The following GAS2 variants were observed in gnomAD, a reference collection of about 807,000 sequenced individuals.
The protein encoded by GAS2 is growth arrest-specific protein 2.
A neutral mutation model predicts 37.5 loss-of-function variants in GAS2; 20 were observed. That is an observed-to-expected ratio of 0.53 (90% CI 0.37 to 0.77). The LOEUF (loss-of-function observed/expected upper bound fraction) is 0.77, where lower values mean the gene tolerates loss of function less well. Among genes scored for constraint, GAS2 ranks in the 30% least tolerant of loss-of-function variants. GAS2 has a pLI of 0.00. For missense variants in GAS2, 336 were observed against 373.4 expected, an observed-to-expected ratio of 0.90 and a Z score of 0.82; for synonymous variants, 144 against 132.2, an observed-to-expected ratio of 1.09 and a Z score of -0.61.
intron 7 of GAS2, among the ~76,000 whole-genome samples, chr11:22,759,287 A>G (rs565004215): frequency 3.9e-5 from 6 of 152,288 alleles, no homozygotes; most frequent in Admixed American, 2.6e-4. Context: ...ATACATGGCT[A>G]TCTAATGTGT....
At chr11:22,627,012 C>T (rs185494313) in intron 1 of GAS2, among the ~76,000 whole-genome samples, 5 of 152,264 alleles carry the variant, frequency 3.3e-5, no homozygotes, top group South Asian at 4.1e-4. Context: ...AGGCTGGTCT[C>T]GAACTTCTGA....
chr11:22,651,421 A>G (rs1253537452), intron 1 of GAS2, among the ~76,000 whole-genome samples: 1 of 152,094 alleles, frequency 6.6e-6, no homozygotes, highest in African/African-American at 2.4e-5. Context: ...CTCGAGGAGT[A>G]TCTTTGTGGC....
rs572224093 is a variant in GAS2, at chr11:22,780,226, G to A, written c.723+24273G>A. 4.6e-5 allele frequency among the ~76,000 whole-genome samples: 7 copies of A among 152,290 alleles called. No individual in the cohort carries two copies. In the South Asian group the frequency reaches 6.2e-4, roughly 14 times the overall value. On this transcript the variant is annotated intron_variant, in intron 7 of 7. Coordinates refer to ENST00000454584, the MANE Select transcript of GAS2 (RefSeq NM_001143830.3). Reference sequence around the variant, plus strand: ...TTGAGATTAGCTATGAGGGCTGGACGTGGCTCATGCCTGTAATCCAAGCAC... The same window carrying A: ...TTGAGATTAGCTATGAGGGCTGGACATGGCTCATGCCTGTAATCCAAGCAC...
chr11:22,754,013 T>C (rs986800050), intron 6 of GAS2, among the ~76,000 whole-genome samples: 2 of 152,086 alleles, frequency 1.3e-5, no homozygotes, highest in Admixed American at 1.3e-4. Flanking sequence ...TTTCAAAAAA[T>C]CTCTTAGAAC....
intron 1 of GAS2, 51 bp from the exon 2 acceptor site, chr11:22,674,799 T>TC (rs1849349766): frequency 4.3e-6 from 6 of 1,389,028 alleles, no homozygotes; most frequent in Non-Finnish European, 5.9e-6. Flanking sequence ...TGACAACATT[T>TC]TGTGAGAGAA....
chr11:22,723,524 G>A (rs559222695), intron 3 of GAS2, among the ~76,000 whole-genome samples: 1 of 152,064 alleles, frequency 6.6e-6, no homozygotes, highest in African/African-American at 2.4e-5. Flanking sequence ...AGTGGATTAA[G>A]TGTCAAATCA....
chr11:22,662,180 C>T (rs1358644902), upstream of GAS2, among the ~76,000 whole-genome samples: 2 of 152,096 alleles, frequency 1.3e-5, no homozygotes, highest in African/African-American at 4.8e-5. Flanking sequence ...CCAAATGAAC[C>T]TAGGTTTTTA....
At chr11:22,753,001 TCTC>T (rs1356824421) in intron 6 of GAS2, among the ~76,000 whole-genome samples, 2 of 152,094 alleles carry the variant, frequency 1.3e-5, no homozygotes, top group African/African-American at 2.4e-5. Context: ...CAGGTTTAGT[TCTC>T]CTCTTCGCGA....
chr11:22,746,305 G>C (rs1853398791), intron 5 of GAS2, among the ~76,000 whole-genome samples: 1 of 152,130 alleles, frequency 6.6e-6, no homozygotes, highest in South Asian at 2.1e-4. Context: ...AAGCAGTTTG[G>C]AGATTTTGTG....
intron 1 of GAS2, among the ~76,000 whole-genome samples, chr11:22,653,485 A>T (rs1848821065): frequency 6.6e-6 from 1 of 152,190 alleles, no homozygotes; most frequent in South Asian, 2.1e-4. Flanking sequence ...GGTATCAAGA[A>T]ACTTTCTTGT....
chr11:22,702,604 A>T (rs554940957), intron 3 of GAS2: 1 of 152,194 alleles, frequency 6.6e-6, no homozygotes, highest in Non-Finnish European at 1.5e-5. Flanking sequence ...AAATTATAAG[A>T]GGGTAAAATA....
intron 7 of GAS2, among the ~76,000 whole-genome samples, chr11:22,809,583 G>A (rs1449784316): frequency 6.6e-6 from 1 of 151,788 alleles, no homozygotes; most frequent in African/African-American, 2.4e-5. Flanking sequence ...TGCCTCCCAG[G>A]TTCAAGCAAT....
chr11:22,758,307 G>A (rs1854161842), intron 7 of GAS2, among the ~76,000 whole-genome samples: 1 of 152,116 alleles, frequency 6.6e-6, no homozygotes, highest in Non-Finnish European at 1.5e-5. Context: ...TCTTAAATTT[G>A]CATCTTTCAC....
intron 3 of GAS2, among the ~76,000 whole-genome samples, chr11:22,696,638 AC>A (rs1361844282): frequency 7.3e-5 from 11 of 151,468 alleles, no homozygotes; most frequent in African/African-American, 2.7e-4. Flanking sequence ...TGCCATTCTA[AC>A]TGGTGTGAGA....
At chr11:22,761,137 C>T (rs538202575) in intron 7 of GAS2, among the ~76,000 whole-genome samples, 53 of 152,294 alleles carry the variant, frequency 3.5e-4, no homozygotes, top group African/African-American at 1.3e-3. Context: ...TGTTTATCTA[C>T]TGTCTGGATA....
At chr11:22,699,185 G>C (rs1255576585) in intron 3 of GAS2, among the ~76,000 whole-genome samples, 1 of 151,992 alleles carries the variant, frequency 6.6e-6, no homozygotes, top group Non-Finnish European at 1.5e-5. Context: ...TCCATACTCT[G>C]GTACCAAAGA....
intron 3 of GAS2, among the ~76,000 whole-genome samples, chr11:22,699,420 C>A (rs1234455855): frequency 1.3e-5 from 2 of 151,744 alleles, no homozygotes; most frequent in African/African-American, 4.8e-5. Context: ...GAATTTACTG[C>A]CAAAAGAATG....
chr11:22,783,519 G>C (rs762115148), intron 7 of GAS2, among the ~76,000 whole-genome samples: 2 of 152,036 alleles, frequency 1.3e-5, no homozygotes, highest in South Asian at 4.2e-4. Flanking sequence ...CTTTGCAAAG[G>C]CTCCTTATGA....
intron 7 of GAS2, among the ~76,000 whole-genome samples, chr11:22,761,030 C>T (rs966766719): frequency 6.6e-6 from 1 of 152,130 alleles, no homozygotes; most frequent in Non-Finnish European, 1.5e-5. Context: ...GAACTTATAG[C>T]ATATTTTTCG....
Sources: gnomAD v4.1 joint callset for allele counts (sites outside exome capture counted in the v4.1 genomes callset) on GRCh38, gnomAD v4.1.1 for gene constraint, MANE v1.5 for transcripts, NCBI Gene and HGNC (gene_info 2026-07-23, HGNC 2026-07-21) for gene names.